The following PLXNA4 variants were observed in gnomAD, a reference collection of about 807,000 sequenced individuals.
The protein encoded by PLXNA4 is plexin A4, also known as plexin-A4.
PLXNA4 carries 44 observed loss-of-function variants against 191.8 expected under a neutral mutation model. The ratio of observed to expected loss-of-function variants is 0.23; its 90% CI spans 0.18 to 0.29. The LOEUF is 0.29. Among genes scored for constraint, PLXNA4 ranks in the 10% least tolerant of loss-of-function variants. The pLI is 1.00. For synonymous variants in PLXNA4, 1,082 were observed against 1,009.5 expected (o/e 1.07, Z -1.36); for missense variants, 1,800 against 2,488.8 (o/e 0.72, Z 5.89).
chr7:132,571,985 G>A (rs569156459), intron 1 of PLXNA4, among the ~76,000 whole-genome samples: 5 of 152,240 alleles, frequency 3.3e-5, no homozygotes, highest in African/African-American at 9.6e-5. Context: ...CTTGATGAAT[G>A]GGGAAATCGA....
At chr7:132,413,413 T>C (rs564908963) in intron 3 of PLXNA4, among the ~76,000 whole-genome samples, 9 of 152,310 alleles carry the variant, frequency 5.9e-5, no homozygotes, top group African/African-American at 2.2e-4. Context: ...ACTCTGACCC[T>C]GGAGCCAGGG....
chr7:132,243,356 T>C (rs1798944198), intron 4 of PLXNA4, among the ~76,000 whole-genome samples: 1 of 152,186 alleles, frequency 6.6e-6, no homozygotes, highest in Non-Finnish European at 1.5e-5. Context: ...TAAACTTAAT[T>C]ACCATCCTCC....
chr7:132,154,225 G>C (rs922980051), intron 25 of PLXNA4, among the ~76,000 whole-genome samples: 8 of 152,162 alleles, frequency 5.3e-5, no homozygotes, highest in African/African-American at 1.9e-4. Flanking sequence ...CTGCACGCCT[G>C]TCAGCAGGTG....
chr7:132,392,895 C>G (rs1793569229), intron 3 of PLXNA4, among the ~76,000 whole-genome samples: 1 of 152,106 alleles, frequency 6.6e-6, no homozygotes, highest in African/African-American at 2.4e-5. Context: ...AACCCAGGAG[C>G]CCTAGGAGAT....
At chr7:132,189,809 C>G (rs1400549167) in intron 14 of PLXNA4, among the ~76,000 whole-genome samples, 1 of 152,164 alleles carries the variant, frequency 6.6e-6, no homozygotes, top group African/African-American at 2.4e-5. Context: ...TCACTCCCAC[C>G]TGGAATCCCT....
At chr7:132,232,844 C>A (rs1562982055) in intron 5 of PLXNA4, among the ~76,000 whole-genome samples, 1 of 152,118 alleles carries the variant, frequency 6.6e-6, no homozygotes, top group South Asian at 2.1e-4. Context: ...CTCCCGGTGC[C>A]GCTGGCCAGG....
At chr7:132,201,698 G>A (rs1226474620) in intron 12 of PLXNA4, among the ~76,000 whole-genome samples, 3 of 152,230 alleles carry the variant, frequency 2.0e-5, no homozygotes, top group Non-Finnish European at 4.4e-5. Flanking sequence ...AGCATGTGGA[G>A]AGAGAGATGC....
intron 2 of PLXNA4, among the ~76,000 whole-genome samples, chr7:132,631,339 G>A (rs1803486427): frequency 6.6e-6 from 1 of 152,076 alleles, no homozygotes; most frequent in African/African-American, 2.4e-5. Context: ...TATTCTTAAG[G>A]TGCCTTAGTC....
chr7:132,246,910 A>T (rs1310511997), intron 4 of PLXNA4, among the ~76,000 whole-genome samples: 3 of 152,132 alleles, frequency 2.0e-5, no homozygotes, highest in Non-Finnish European at 4.4e-5. Context: ...ATGACTGAAA[A>T]GAGAGCAAAG....
At position 132,435,801 on chromosome 7, in the gene PLXNA4, C is replaced by G. The variant is rs2117219193; in HGVS notation, c.1371+53491G>C. ...TTCCCCTTCCTACACATTGGAGTAC[C>G]CGCTTCCTCTCTTCTCTCTTCCCCT... On this transcript the variant is annotated intron_variant, in intron 3 of 31. Transcript: ENST00000321063. 1.3e-5 allele frequency among the ~76,000 whole-genome samples: 2 copies of G among 152,226 alleles called. 1 individual carries two copies. The highest frequency in any genetic ancestry group is 4.2e-4 in the South Asian group (2 of 4,814).
intron 3 of PLXNA4, among the ~76,000 whole-genome samples, chr7:132,456,952 A>G (rs756033842): frequency 2.0e-5 from 3 of 152,310 alleles, no homozygotes; most frequent in Non-Finnish European, 4.4e-5. Context: ...TTTCAGATCT[A>G]AACTCATTCT....
intron 3 of PLXNA4, among the ~76,000 whole-genome samples, chr7:132,481,650 A>G (rs1797340987): frequency 6.6e-6 from 1 of 152,128 alleles, no homozygotes; most frequent in South Asian, 2.1e-4. Context: ...TGCCAGCCCC[A>G]AACACTAAGG....
chr7:132,495,786 G>C (rs1406359003), intron 2 of PLXNA4, among the ~76,000 whole-genome samples: 1 of 152,202 alleles, frequency 6.6e-6, no homozygotes, highest in Non-Finnish European at 1.5e-5. Context: ...GGGCCAACTG[G>C]ATCTTTAGAC....
At chr7:132,252,229 G>A (rs1799274487) in intron 4 of PLXNA4, among the ~76,000 whole-genome samples, 1 of 150,602 alleles carries the variant, frequency 6.6e-6, no homozygotes, top group Non-Finnish European at 1.5e-5. Context: ...AAGAGATACA[G>A]CTTTGAGGGC....
intron 3 of PLXNA4, among the ~76,000 whole-genome samples, chr7:132,375,026 C>T (rs566476612): frequency 1.3e-5 from 2 of 152,350 alleles, no homozygotes; most frequent in African/African-American, 4.8e-5. Flanking sequence ...TGTCCCCGCC[C>T]TCTGCATTCT....
At chr7:132,276,475 C>G (rs745461891) in intron 4 of PLXNA4, among the ~76,000 whole-genome samples, 1 of 151,832 alleles carries the variant, frequency 6.6e-6, no homozygotes, top group East Asian at 1.9e-4. Flanking sequence ...TGGCGCCCTG[C>G]CTGTTGTTGA....
chr7:132,177,354 C>T (rs1384118482), intron 20 of PLXNA4, among the ~76,000 whole-genome samples: 3 of 152,316 alleles, frequency 2.0e-5, no homozygotes, highest in East Asian at 1.9e-4. Context: ...GTGTAGAGGA[C>T]GTCCTGGCTT....
intron 3 of PLXNA4, among the ~76,000 whole-genome samples, chr7:132,370,537 T>C (rs1395777897): frequency 1.3e-5 from 2 of 152,200 alleles, no homozygotes; most frequent in Non-Finnish European, 2.9e-5. Flanking sequence ...TACATAAAAA[T>C]ATCCTTTATC....
chr7:132,169,895 AG>A lies in PLXNA4; in HGVS notation c.4018-1324del, dbSNP rs1456512312. On this transcript the variant is annotated intron_variant, in intron 21 of 31. Coordinates refer to ENST00000321063, the MANE Select transcript of PLXNA4 (RefSeq NM_020911.2). ...AAGTCAGCTATAGGATCTGCCCCCA[AG>A]GGGGAGCTTCTGAGAACACTGCAGG... Among the ~76,000 whole-genome samples the A allele has an allele frequency of 5.3e-5, 8 of 152,206 alleles. No individual in the cohort carries two copies. In the East Asian group the frequency reaches 1.5e-3, roughly 29 times the overall value.
Sources: allele counts gnomAD v4.1 joint callset (sites outside exome capture counted in the v4.1 genomes callset), GRCh38; gene constraint gnomAD v4.1.1; transcripts MANE v1.5; gene names NCBI Gene and HGNC (gene_info 2026-07-23, HGNC 2026-07-21).